The following DDX10 variants were observed in gnomAD, a reference collection of about 807,000 sequenced individuals.
DDX10 encodes probable ATP-dependent RNA helicase DDX10.
DDX10 carries 74 observed loss-of-function variants against 104.3 expected under a neutral mutation model. The observed-to-expected ratio is 0.71, with a 90% CI of 0.59 to 0.86. The LOEUF is 0.86. Among genes scored for constraint, DDX10 ranks in the 40% least tolerant of loss-of-function variants. The pLI, the probability that DDX10 is intolerant of heterozygous loss-of-function variation, is 0.00. For missense variants in DDX10, 952 were observed against 1,040.0 expected, an observed-to-expected ratio of 0.92 and a Z score of 1.16; for synonymous variants, 351 against 353.4, an observed-to-expected ratio of 0.99 and a Z score of 0.08.
intron 13 of DDX10, among the ~76,000 whole-genome samples, chr11:108,802,482 G>A (rs1051041727): frequency 3.3e-5 from 5 of 152,094 alleles, no homozygotes; most frequent in East Asian, 1.9e-4. Flanking sequence ...AAGGTGAGGC[G>A]TCTAATGTCT....
intron 13 of DDX10, among the ~76,000 whole-genome samples, chr11:108,732,797 C>T (rs1003126175): frequency 3.9e-5 from 6 of 152,238 alleles, no homozygotes; most frequent in Middle Eastern, 3.4e-3. Flanking sequence ...GAAAGTTGAC[C>T]TCCAGGGAGA....
rs182209944 is a variant in DDX10, at chr11:108,933,132, G to A, written c.2451-7114G>A. ...TTGAGCTCAACTGAGAGTACAACTC[G>A]GACAAGTGAGAGTTACAGAGATTTA... On this transcript the variant is annotated intron_variant, in intron 17 of 17. Transcript: ENST00000322536. Among the ~76,000 whole-genome samples, 68 of 152,050 alleles carry A rather than the reference G, an allele frequency of 4.5e-4. 2 individuals are homozygous for A. In the South Asian group the frequency reaches 0.011, roughly 24 times the overall value.
intron 13 of DDX10, among the ~76,000 whole-genome samples, chr11:108,792,792 A>G (rs1861888923): frequency 6.6e-6 from 1 of 152,210 alleles, no homozygotes; most frequent in African/African-American, 2.4e-5. Flanking sequence ...AAAGATTGCT[A>G]GAATTCTTGG....
intron 16 of DDX10, among the ~76,000 whole-genome samples, chr11:108,867,585 A>G (rs150373922): frequency 3.3e-5 from 5 of 152,344 alleles, no homozygotes; most frequent in African/African-American, 1.2e-4. Flanking sequence ...TGTATGGAGT[A>G]CATTCATTCT....
At chr11:108,726,072 A>T (rs933307447) in intron 13 of DDX10, among the ~76,000 whole-genome samples, 12 of 151,988 alleles carry the variant, frequency 7.9e-5, no homozygotes, top group African/African-American at 2.7e-4. Flanking sequence ...TGACTCTTTG[A>T]AAGTCAGTTG....
intron 13 of DDX10, chr11:108,822,541 G>T: frequency 4.5e-6 from 1 of 222,052 alleles, no homozygotes. Flanking sequence ...CTCCTGCCTG[G>T]AGAGACTATG....
At chr11:108,858,788 G>A (rs1267437843) in intron 16 of DDX10, among the ~76,000 whole-genome samples, 2 of 151,940 alleles carry the variant, frequency 1.3e-5, no homozygotes, top group Non-Finnish European at 1.5e-5. Flanking sequence ...ATCTAACTTC[G>A]AGCTCCTCAA....
intron 16 of DDX10, among the ~76,000 whole-genome samples, chr11:108,900,425 T>A (rs936692511): frequency 1.3e-5 from 2 of 152,194 alleles, no homozygotes; most frequent in African/African-American, 4.8e-5. Flanking sequence ...CCAGGTCCAG[T>A]CCACCTTTCT....
chr11:108,770,421 C>A (rs2094361497), intron 13 of DDX10, among the ~76,000 whole-genome samples: 1 of 151,844 alleles, frequency 6.6e-6, no homozygotes, highest in African/African-American at 2.4e-5. Context: ...TACTATTATG[C>A]TATCAAATAG....
chr11:108,848,916 G>A (rs1175800059), intron 15 of DDX10, among the ~76,000 whole-genome samples: 1 of 152,096 alleles, frequency 6.6e-6, no homozygotes, highest in Non-Finnish European at 1.5e-5. Flanking sequence ...CCCATTATAT[G>A]TATGCAGAGC....
At chr11:108,780,182 C>T (rs754223243) in intron 13 of DDX10, among the ~76,000 whole-genome samples, 8 of 152,048 alleles carry the variant, frequency 5.3e-5, no homozygotes, top group Admixed American at 4.6e-4. Context: ...AAATAAAATG[C>T]CAATTTATGG....
intron 2 of DDX10, among the ~76,000 whole-genome samples, chr11:108,675,194 CT>C (rs1591787664): frequency 1.3e-5 from 2 of 151,696 alleles, no homozygotes; most frequent in African/African-American, 2.4e-5. Flanking sequence ...CATATCTTGG[CT>C]TCTGTGAATA....
intron 13 of DDX10, among the ~76,000 whole-genome samples, chr11:108,814,779 A>G (rs574475401): frequency 1.3e-5 from 2 of 152,362 alleles, no homozygotes; most frequent in South Asian, 2.1e-4. Context: ...TATATTTGTT[A>G]TAGGAATAAG....
intron 13 of DDX10, among the ~76,000 whole-genome samples, chr11:108,815,239 C>G (rs1260766888): frequency 6.6e-6 from 1 of 152,098 alleles, no homozygotes; most frequent in Non-Finnish European, 1.5e-5. Context: ...GACTCCTTTT[C>G]CCAATACATT....
At chr11:108,792,236 G>A (rs1250279335) in intron 13 of DDX10, among the ~76,000 whole-genome samples, 1 of 152,084 alleles carries the variant, frequency 6.6e-6, no homozygotes, top group Non-Finnish European at 1.5e-5. Flanking sequence ...TTGCCTGATG[G>A]TGTCCTTTGA....
chr11:108,705,478 A>G (rs75418483), intron 9 of DDX10, among the ~76,000 whole-genome samples: 6,404 of 152,140 alleles, frequency 0.042, 369 homozygotes, highest in African/African-American at 0.13. Context: ...TTTATTGCCC[A>G]TGGTTGTCCT....
chr11:108,770,816 G>A (rs1334191720), intron 13 of DDX10, among the ~76,000 whole-genome samples: 1 of 151,856 alleles, frequency 6.6e-6, no homozygotes, highest in East Asian at 1.9e-4. Flanking sequence ...CAAACATTGG[G>A]AGTGCAGATG....
At chr11:108,767,309 T>G (rs1025898420) in intron 13 of DDX10, 1 of 152,250 alleles carries the variant, frequency 6.6e-6, no homozygotes, top group Admixed American at 6.5e-5. Flanking sequence ...GAAGTAGAAG[T>G]CAGATTTCAT....
intron 13 of DDX10, chr11:108,822,220 C>G (rs1277873229): frequency 5.0e-6 from 1 of 198,256 alleles, no homozygotes; most frequent in Non-Finnish European, 1.0e-5. Context: ...ACAAAATATT[C>G]TGTCATTCAT....
Sources: allele counts gnomAD v4.1 joint callset (sites outside exome capture counted in the v4.1 genomes callset), GRCh38; gene constraint gnomAD v4.1.1; transcripts MANE v1.5; gene names NCBI Gene and HGNC (gene_info 2026-07-23, HGNC 2026-07-21).